Variants in SNCAIP observed in about 807,000 individuals in gnomAD.
The protein encoded by SNCAIP is synphilin-1.
SNCAIP carries 43 observed loss-of-function variants against 86.7 expected under a neutral mutation model. That is an observed-to-expected ratio of 0.50 (90% CI 0.39 to 0.64). The LOEUF (loss-of-function observed/expected upper bound fraction) is 0.64. Ranked by LOEUF, SNCAIP falls within the 30% of genes least tolerant of loss-of-function variation. The pLI is 0.00. For missense variants in SNCAIP, 981 were observed against 1,103.1 expected, an observed-to-expected ratio of 0.89 and a Z score of 1.57; for synonymous variants, 417 against 427.2, an observed-to-expected ratio of 0.98 and a Z score of 0.29.
chr5:122,377,075 T>G (rs1030804016), intron 1 of SNCAIP, among the ~76,000 whole-genome samples: 1 of 152,152 alleles, frequency 6.6e-6, no homozygotes, highest in African/African-American at 2.4e-5. Flanking sequence ...GAGACTGACA[T>G]CCCTGATATG....
chr5:122,406,927 A>G (rs1286783186), intron 3 of SNCAIP, among the ~76,000 whole-genome samples: 1 of 152,166 alleles, frequency 6.6e-6, no homozygotes, highest in African/African-American at 2.4e-5. Context: ...CACACTTGCT[A>G]TTTTGTATAG....
At chr5:122,440,883 T>C in intron 7 of SNCAIP, 129 bp downstream of exon 7, 1 of 859,986 alleles carries the variant, frequency 1.2e-6, no homozygotes, top group Non-Finnish European at 1.9e-6. Flanking sequence ...CAATAAGGAA[T>C]TATTGCTCTA....
intron 1 of SNCAIP, among the ~76,000 whole-genome samples, chr5:122,322,292 G>T (rs947860492): frequency 3.3e-5 from 5 of 152,242 alleles, no homozygotes; most frequent in Non-Finnish European, 7.3e-5. Context: ...CCAAAGATAA[G>T]TGTCACTTCA....
chr5:122,436,943 C>T (rs538239208), intron 6 of SNCAIP: 7 of 152,210 alleles, frequency 4.6e-5, no homozygotes, highest in African/African-American at 1.7e-4. Context: ...AGTTTTCAGT[C>T]AGTACATGAA....
chr5:122,366,805 A>C (rs1436427389), intron 1 of SNCAIP, among the ~76,000 whole-genome samples: 1 of 152,080 alleles, frequency 6.6e-6, no homozygotes, highest in Non-Finnish European at 1.5e-5. Context: ...AAAATTCTGA[A>C]AGGTTTTCAA....
chr5:122,444,729 A>G lies in SNCAIP; in HGVS notation c.1589A>G (p.Lys530Arg). ...GTGGTGAAGTTAACCAAGCAGCTAAAGGAGTAAGTGGCCTGTTGGTTCCAT... is the reference window on the plus strand; with the variant it reads ...GTGGTGAAGTTAACCAAGCAGCTAAGGGAGTAAGTGGCCTGTTGGTTCCAT... ...SQVVKLTKQL[K>R]EQTVERVTLQ... The change falls in exon 8 of 11, where the codon AAG becomes AGG. Residue 530 changes from lysine (K) to arginine (R), a missense_variant. Transcript: ENST00000261368. The G allele has an allele frequency of 1.2e-6, 2 of 1,613,566 alleles. No individual in the cohort carries two copies. Among genetic ancestry groups the G allele is most frequent in the Non-Finnish European group, 1.7e-6 (2 of 1,179,510 alleles).
In SNCAIP at chr5:122,451,008, A is replaced by C; in HGVS notation, c.2161A>C (p.Ile721Leu). ...MDSAESLHLM[I>L]KKHTLASGGR... The stretch of plus-strand genomic sequence containing the variant: ...CAGCGCAGAAAGCCTGCACCTGATG[A>C]TTAAGAAACACACCTTGGCATCAGG... Residue 721 changes from isoleucine (I) to leucine (L), a missense_variant, in exon 10 of 11, where the codon ATT (isoleucine) becomes CTT (leucine). Physicochemically the swap from Ile to Leu is conservative, Grantham distance 5. Transcript: ENST00000261368. The C allele has an allele frequency of 6.2e-7, 1 of 1,614,166 alleles. No homozygotes were observed. Among genetic ancestry groups the C allele is most frequent in the Non-Finnish European group, 8.5e-7 (1 of 1,180,008 alleles).
chr5:122,428,170 TG>T lies in SNCAIP; in HGVS notation c.1182+2640del, dbSNP rs201577105. 1.1e-4 allele frequency among the ~76,000 whole-genome samples: 17 copies of T among 152,304 alleles called. No homozygotes were observed. The East Asian group carries it at 3.3e-3, about 29-fold the overall frequency. ...CTTTTCACTTCTCATTCAGTCCTTT[TG>T]ATTAAGCCAAAAAGCAAAGTGTCCA... On this transcript the variant is annotated intron_variant, in intron 5 of 10. Transcript: ENST00000261368.
intron 1 of SNCAIP, among the ~76,000 whole-genome samples, chr5:122,355,518 TA>T (rs1760816645): frequency 6.6e-6 from 1 of 152,202 alleles, no homozygotes; most frequent in African/African-American, 2.4e-5. Context: ...AAATTGCCCA[TA>T]AAATCCACCT....
At chr5:122,356,089 G>A (rs930639715) in intron 1 of SNCAIP, among the ~76,000 whole-genome samples, 152 of 145,408 alleles carry the variant, frequency 1.0e-3, no homozygotes, top group Non-Finnish European at 2.0e-3. Flanking sequence ...GCAAGAGTTA[G>A]CCTTTCTTTT....
chr5:122,395,328 C>T (rs1296344369), intron 2 of SNCAIP, among the ~76,000 whole-genome samples: 1 of 152,112 alleles, frequency 6.6e-6, no homozygotes, highest in East Asian at 1.9e-4. Flanking sequence ...TATACACACA[C>T]ATACAAATAG....
chr5:122,354,409 G>T (rs1198173381), intron 1 of SNCAIP, among the ~76,000 whole-genome samples: 1 of 152,168 alleles, frequency 6.6e-6, no homozygotes, highest in East Asian at 1.9e-4. Context: ...GCTCCTCTGG[G>T]CTTGCAGGCT....
intron 1 of SNCAIP, among the ~76,000 whole-genome samples, chr5:122,324,005 A>G (rs540787846): frequency 6.6e-6 from 1 of 152,328 alleles, no homozygotes; most frequent in Admixed American, 6.5e-5. Flanking sequence ...TTGTCCCTGA[A>G]TAAGATGAAA....
chr5:122,401,736 G>C (rs73287520), intron 2 of SNCAIP, among the ~76,000 whole-genome samples: 1,656 of 152,278 alleles, frequency 0.011, 34 homozygotes, highest in African/African-American at 0.038. Context: ...TGAGGCAGTG[G>C]CAGTGACTCA....
intron 1 of SNCAIP, among the ~76,000 whole-genome samples, chr5:122,327,004 A>C (rs963743009): frequency 1.3e-5 from 2 of 151,722 alleles, no homozygotes; most frequent in Non-Finnish European, 2.9e-5. Context: ...TGGAGGAGAT[A>C]CTAGATCAAA....
intron 10 of SNCAIP, 104 bp from the exon 11 acceptor site, chr5:122,463,387 G>C: frequency 1.3e-6 from 1 of 755,276 alleles, no homozygotes; most frequent in Non-Finnish European, 2.4e-6. Flanking sequence ...AGTGTGGTTT[G>C]TGTGAGGATA....
At chr5:122,445,276 A>T (rs776948220) in intron 8 of SNCAIP, among the ~76,000 whole-genome samples, 1 of 152,224 alleles carries the variant, frequency 6.6e-6, no homozygotes, top group Non-Finnish European at 1.5e-5. Flanking sequence ...GTGCTCAGTC[A>T]GCATGAAGTT....
At chr5:122,400,819 A>AG (rs754173215) in intron 2 of SNCAIP, among the ~76,000 whole-genome samples, 15 of 152,244 alleles carry the variant, frequency 9.9e-5, no homozygotes, top group Non-Finnish European at 2.2e-4. Flanking sequence ...TTCTTCAGAC[A>AG]TGGTAGAGAA....
chr5:122,375,388 G>A (rs968198414), intron 1 of SNCAIP, among the ~76,000 whole-genome samples: 3 of 151,346 alleles, frequency 2.0e-5, no homozygotes, highest in Non-Finnish European at 2.9e-5. Context: ...GACTGCTTCC[G>A]ATACAGTGAG....
Sources: gnomAD v4.1 joint callset for allele counts (sites outside exome capture counted in the v4.1 genomes callset) on GRCh38, gnomAD v4.1.1 for gene constraint, MANE v1.5 for transcripts, NCBI Gene and HGNC (gene_info 2026-07-23, HGNC 2026-07-21) for gene names.